PROX1: variants seen among roughly 807,000 people sequenced by gnomAD.
The protein encoded by PROX1 is prospero homeobox 1.
A neutral mutation model predicts 58.8 loss-of-function variants in PROX1; 7 were observed. The observed-to-expected ratio is 0.12, with a 90% CI of 0.07 to 0.22. The LOEUF is 0.22. Ranked by LOEUF, PROX1 falls within the 10% of genes least tolerant of loss-of-function variation. PROX1 has a pLI of 1.00. For missense variants in PROX1, 675 were observed against 927.8 expected, an observed-to-expected ratio of 0.73 and a Z score of 3.54; for synonymous variants, 350 against 358.3, an observed-to-expected ratio of 0.98 and a Z score of 0.26.
intron 1 of PROX1, among the ~76,000 whole-genome samples, chr1:213,992,289 A>T (rs1294742315): frequency 2.0e-5 from 3 of 152,164 alleles, no homozygotes; most frequent in African/African-American, 7.2e-5. Flanking sequence ...TAGTTAATTT[A>T]GGTATTAACT....
At chr1:214,028,173 G>A (rs1664524336) in intron 4 of PROX1, among the ~76,000 whole-genome samples, 3 of 152,170 alleles carry the variant, frequency 2.0e-5, no homozygotes, top group African/African-American at 7.2e-5. Flanking sequence ...GCCTCATTTG[G>A]GGTAACTCGG....
intron 3 of PROX1, among the ~76,000 whole-genome samples, chr1:214,009,028 T>A (rs1236874447): frequency 6.6e-6 from 1 of 152,170 alleles, no homozygotes; most frequent in Non-Finnish European, 1.5e-5. Flanking sequence ...GACCACTAAG[T>A]ACAGCAGATT....
intron 3 of PROX1, among the ~76,000 whole-genome samples, chr1:214,008,688 G>T (rs899220908): frequency 1.3e-5 from 2 of 152,188 alleles, no homozygotes; most frequent in Admixed American, 6.5e-5. Flanking sequence ...TGGAACGAAA[G>T]AGGTAGAGGG....
intron 4 of PROX1, among the ~76,000 whole-genome samples, chr1:214,026,367 T>C (rs1334889182): frequency 6.6e-6 from 1 of 152,214 alleles, no homozygotes; most frequent in Non-Finnish European, 1.5e-5. Context: ...CAGTCTCTCA[T>C]AGACATTTGT....
At chr1:214,030,171 GC>G (rs556921225) in intron 4 of PROX1, 17 of 152,446 alleles carry the variant, frequency 1.1e-4, no homozygotes, top group Admixed American at 7.9e-4. Context: ...GCATTTTATT[GC>G]CCTTTTATAG....
chr1:214,033,388 G>C (rs1480498571), intron 4 of PROX1, among the ~76,000 whole-genome samples: 1 of 152,124 alleles, frequency 6.6e-6, no homozygotes, highest in Non-Finnish European at 1.5e-5. Flanking sequence ...ACCTGAGGTT[G>C]GGAGTTGGAG....
At chr1:214,009,025 A>C (rs1663816484) in intron 3 of PROX1, among the ~76,000 whole-genome samples, 2 of 152,156 alleles carry the variant, frequency 1.3e-5, no homozygotes, top group South Asian at 4.1e-4. Context: ...TTAGACCACT[A>C]AGTACAGCAG....
chr1:213,996,957 T>C lies in PROX1; in HGVS notation c.422T>C (p.Leu141Pro), dbSNP rs1663289850. The change falls in exon 2 of 5, where the codon CTT (leucine) becomes CCT (proline). Residue 141 changes from leucine (L) to proline (P), a missense_variant. Leu to Pro is a moderately conservative substitution (Grantham distance 98). Around this residue, in one of 8 missense-constraint regions of PROX1, gnomAD observed 157 missense variants for 197.8 expected, o/e 0.79. Coordinates refer to ENST00000366958, the MANE Select transcript of PROX1 (RefSeq NM_001270616.2). ...TCAAGAGACAGCCCCCCAGAGTGTC[T>C]TTCCCCTTTTGGCAGGCCTACTATG... is the stretch of plus-strand genomic sequence containing the variant. ...NSSRDSPPECLSPFGRPTMSQ... is the reference protein window; with the variant it reads ...NSSRDSPPECPSPFGRPTMSQ... The C allele has an allele frequency of 6.2e-7, 1 of 1,614,058 alleles. No homozygotes were observed. The highest frequency in any genetic ancestry group is 2.2e-5 in the East Asian group (1 of 44,856).
Position 213,998,001 on chromosome 1 carries a change from T to C in PROX1, c.1466T>C (p.Met489Thr). ...TFRHPFPLPL[M>T]AYPFQSPLGA... The stretch of plus-strand genomic sequence containing the variant: ...CGCCACCCCTTCCCCCTTCCCTTGA[T>C]GGCCTATCCATTTCAGAGCCCATTA... Residue 489 changes from methionine to threonine, a missense_variant, in exon 2 of 5, where the codon ATG becomes ACG. Physicochemically the swap from Met to Thr is moderately conservative, Grantham distance 81 (BLOSUM62 -1). This residue lies in a region of PROX1 where 403 missense variants were observed against 477.4 expected (regional missense o/e 0.84). Coordinates refer to ENST00000366958, the MANE Select transcript of PROX1 (RefSeq NM_001270616.2). The C allele has an allele frequency of 1.2e-6, 2 of 1,613,472 alleles. No individual in the cohort carries two copies. The highest frequency in any genetic ancestry group is 2.2e-5 in the East Asian group (1 of 44,868).
Position 214,039,360 on chromosome 1 carries a change from G to A in PROX1, c.*3526G>A, listed in dbSNP as rs182171369. On this transcript the variant is annotated 3_prime_UTR_variant, in exon 5 of 5. Coordinates refer to ENST00000366958, the MANE Select transcript of PROX1 (RefSeq NM_001270616.2). ...TTCCTGAAGTTTGCTTTGTGCCTCC[G>A]AGTATTATTTAATTAAAGAAGTGTT... The A allele has an allele frequency of 1.3e-4, 20 of 152,150 alleles. No homozygotes were observed. Among genetic ancestry groups the A allele is most frequent in the African/African-American group, 4.8e-4 (20 of 41,522 alleles). The allele number at this position is 152,150 out of a possible 1,614,324, so 9.4% of individuals were successfully genotyped here. A position where few individuals can be genotyped will look rare whatever the true frequency, so the allele number is the denominator to read the frequency against.
chr1:213,983,482 C>A (rs1465527095), upstream of PROX1, among the ~76,000 whole-genome samples: 2 of 152,206 alleles, frequency 1.3e-5, no homozygotes, highest in Non-Finnish European at 2.9e-5. Flanking sequence ...AGAGGCTTTG[C>A]GTAACTTTGC....
intron 4 of PROX1, among the ~76,000 whole-genome samples, chr1:214,027,444 A>C (rs1664498861): frequency 6.6e-6 from 1 of 152,180 alleles, no homozygotes; most frequent in African/African-American, 2.4e-5. Context: ...CTGTCTCTCA[A>C]GACAATTTAA....
chr1:213,992,471 G>A (rs1246882969), intron 1 of PROX1, among the ~76,000 whole-genome samples: 1 of 152,054 alleles, frequency 6.6e-6, no homozygotes, highest in African/African-American at 2.4e-5. Context: ...CAGACCATCT[G>A]ATTTTTCCCC....
chr1:214,019,564 GTCCTGCCTGCA>G (rs1664209921), intron 4 of PROX1, among the ~76,000 whole-genome samples: 1 of 152,200 alleles, frequency 6.6e-6, no homozygotes, highest in Non-Finnish European at 1.5e-5. Context: ...TAGGTGGGTA[GTCCTGCCTGCA>G]TCCCGACCCT....
chr1:214,011,496 C>G (rs756703564), intron 3 of PROX1, 25 bp from the exon 4 acceptor site: 1 of 1,582,328 alleles, frequency 6.3e-7, no homozygotes, highest in East Asian at 2.3e-5. Flanking sequence ...ATGTTCTTAT[C>G]CTTTTCAACA....
chr1:214,019,583 C>T (rs1423643900), intron 4 of PROX1, among the ~76,000 whole-genome samples: 1 of 152,184 alleles, frequency 6.6e-6, no homozygotes, highest in African/African-American at 2.4e-5. Flanking sequence ...GCATCCCGAC[C>T]CTCAGGGCAG....
At chr1:214,032,302 C>T (rs1203628368) in intron 4 of PROX1, among the ~76,000 whole-genome samples, 1 of 152,178 alleles carries the variant, frequency 6.6e-6, no homozygotes, top group Admixed American at 6.5e-5. Context: ...TCATCTCATA[C>T]AATCTCATGC....
chr1:213,992,990 T>C (rs1663091338), intron 1 of PROX1, among the ~76,000 whole-genome samples: 1 of 152,212 alleles, frequency 6.6e-6, no homozygotes, highest in African/African-American at 2.4e-5. Context: ...AAGGAGACTC[T>C]TTTGGAGTAG....
At chr1:214,031,143 A>G (rs1331665100) in intron 4 of PROX1, among the ~76,000 whole-genome samples, 3 of 151,482 alleles carry the variant, frequency 2.0e-5, no homozygotes, top group Non-Finnish European at 2.9e-5. Flanking sequence ...ACCTCCTCTC[A>G]TTTTCTGCAT....
Sources: allele counts gnomAD v4.1 joint callset (sites outside exome capture counted in the v4.1 genomes callset), GRCh38; gene constraint gnomAD v4.1.1; regional missense constraint gnomAD v4.1.1; transcripts MANE v1.5; gene names NCBI Gene and HGNC (gene_info 2026-07-23, HGNC 2026-07-21).